CCDC158: variants seen among roughly 807,000 people sequenced by gnomAD.
CCDC158 encodes the protein coiled-coil domain containing 158.
Under a neutral mutation model 138.6 loss-of-function variants are expected in CCDC158, and 116 were observed. The observed-to-expected ratio is 0.84, with a 90% CI of 0.72 to 0.98. CCDC158 has a LOEUF of 0.98. CCDC158 is among the 50% of genes least tolerant of loss of function. The pLI, the probability that CCDC158 is intolerant of heterozygous loss-of-function variation, is 0.00. For missense variants in CCDC158, 1,265 were observed against 1,306.1 expected, an observed-to-expected ratio of 0.97 and a Z score of 0.48; for synonymous variants, 436 against 442.4, an observed-to-expected ratio of 0.99 and a Z score of 0.18.
chr4:76,330,325 T>C (rs986780146), intron 21 of CCDC158, among the ~76,000 whole-genome samples: 2 of 152,198 alleles, frequency 1.3e-5, no homozygotes, highest in African/African-American at 2.4e-5. Context: ...GGGAAAATAA[T>C]GTTTCCCTCA....
In CCDC158 at chr4:76,334,055, G is replaced by A; in HGVS notation, c.2777C>T (p.Thr926Ile). 6.2e-7 allele frequency: 1 copy of A among 1,613,758 alleles called. No homozygotes were observed. The highest frequency in any genetic ancestry group is 8.5e-7 in the Non-Finnish European group (1 of 1,179,738). ...NEEPAVSLSK[T>I]EEDGRTSLGA... ...CAGAGATGTTCTTCCATCTTCCTCT[G>A]TCTTGCTCAGAGACACAGCTGGCTC... is the stretch of plus-strand genomic sequence containing the variant. The change falls in exon 19 of 25, where the codon ACA becomes ATA. Residue 926 changes from threonine (T) to isoleucine (I), a missense_variant. Coordinates refer to ENST00000682701, the MANE Select transcript of CCDC158 (RefSeq NM_001394954.1).
At chr4:76,405,516 T>C (rs1267899109) in intron 2 of CCDC158, among the ~76,000 whole-genome samples, 1 of 152,116 alleles carries the variant, frequency 6.6e-6, no homozygotes, top group Non-Finnish European at 1.5e-5. Context: ...AAGACAAACA[T>C]TTAAAAAACA....
At chr4:76,380,928 G>T (rs145992317) in intron 8 of CCDC158, among the ~76,000 whole-genome samples, 1 of 152,254 alleles carries the variant, frequency 6.6e-6, no homozygotes, top group African/African-American at 2.4e-5. Context: ...AGCTCGGGCT[G>T]TTGCTTCAAA....
intron 2 of CCDC158, among the ~76,000 whole-genome samples, chr4:76,403,891 G>A (rs1728607210): frequency 6.6e-6 from 1 of 152,094 alleles, no homozygotes; most frequent in African/African-American, 2.4e-5. Flanking sequence ...ACAAGCCTAG[G>A]GGTACAGAAA....
chr4:76,396,655 A>T (rs752441363), intron 3 of CCDC158, among the ~76,000 whole-genome samples, 169 bp from the exon 4 acceptor site: 2 of 151,806 alleles, frequency 1.3e-5, no homozygotes, highest in Non-Finnish European at 2.9e-5. Flanking sequence ...GGATTACAGG[A>T]GCGTGCCACC....
intron 10 of CCDC158, among the ~76,000 whole-genome samples, 184 bp downstream of exon 10, chr4:76,371,233 A>T (rs1401624124): frequency 6.6e-6 from 1 of 152,244 alleles, no homozygotes; most frequent in Non-Finnish European, 1.5e-5. Context: ...TTAAGAAAAA[A>T]GTTAAGTATA....
chr4:76,339,432 G>A (rs961851632), intron 18 of CCDC158, among the ~76,000 whole-genome samples: 3 of 152,218 alleles, frequency 2.0e-5, no homozygotes, highest in African/African-American at 7.2e-5. Context: ...AGAGAATAGT[G>A]AGGCACAATT....
intron 8 of CCDC158, 29 bp from the exon 9 acceptor site, chr4:76,379,433 G>A: frequency 1.5e-6 from 2 of 1,372,408 alleles, no homozygotes; most frequent in South Asian, 1.3e-5. Context: ...GGGAATAAGT[G>A]CAAATAGCAA....
chr4:76,381,301 G>A (rs555647040), intron 8 of CCDC158, among the ~76,000 whole-genome samples: 11 of 152,350 alleles, frequency 7.2e-5, no homozygotes, highest in East Asian at 5.8e-4. Context: ...AAGCAGCTGC[G>A]GAGGCTGTAC....
intron 23 of CCDC158, among the ~76,000 whole-genome samples, chr4:76,325,037 G>A (rs1392306442): frequency 6.6e-6 from 1 of 152,066 alleles, no homozygotes; most frequent in African/African-American, 2.4e-5. Flanking sequence ...GCACACACTT[G>A]CCCACCACAG....
In CCDC158 at chr4:76,334,107, G is replaced by A; in HGVS notation, c.2725C>T (p.Gln909Ter). The A allele has an allele frequency of 6.2e-7, 1 of 1,613,384 alleles. No individual in the cohort carries two copies. Among genetic ancestry groups the A allele is most frequent in the Non-Finnish European group, 8.5e-7 (1 of 1,179,412 alleles). ...DPTRDLKQLL[Q>*]ELRSVINEEP... ...TCATTGATCACGCTTCTCAACTCTTGGAGAAGCTGTTTCAGGTCCCTTGTT... is the reference window on the plus strand; with the variant it reads ...TCATTGATCACGCTTCTCAACTCTTAGAGAAGCTGTTTCAGGTCCCTTGTT... Residue 909 changes from glutamine to a stop codon, truncating the protein, a stop_gained, in exon 19 of 25, where the codon CAA becomes TAA. Transcript: ENST00000682701. LOFTEE classifies it high-confidence loss of function.
Position 76,332,470 on chromosome 4 carries a change from G to A in CCDC158, c.2844C>T (p.Cys948=), listed in dbSNP as rs947347667. 2.5e-6 allele frequency: 4 copies of A among 1,609,668 alleles called. No individual in the cohort carries two copies. In the African/African-American group the frequency reaches 5.4e-5, roughly 22 times the overall value. Residue 948 remains cysteine, a synonymous_variant, in exon 20 of 25, where the codon TGC becomes TGT. Coordinates refer to ENST00000682701, the MANE Select transcript of CCDC158 (RefSeq NM_001394954.1). ...YVAVEDRVRD[C]ITESSLRSDM... ...CTGATCTCAGGCTGGATTCAGTAAT[G>A]CAATCTCTTACCCTATCCTCTCTGT...
In CCDC158 at chr4:76,376,323, G is replaced by A. The variant is rs565716554; in HGVS notation, c.1029+2967C>T. Among the ~76,000 whole-genome samples, 11 of 152,208 alleles carry A rather than the reference G, an allele frequency of 7.2e-5. No individual in the cohort carries two copies. The East Asian group carries it at 1.7e-3, about 24-fold the overall frequency. On this transcript the variant is annotated intron_variant, in intron 9 of 24. Coordinates refer to ENST00000682701, the MANE Select transcript of CCDC158 (RefSeq NM_001394954.1). ...AAGTAATCCTTCTGTCTCAGCCTTC[G>A]AAAGTGCTGGGATTATGGGTGTAAG...
intron 20 of CCDC158, among the ~76,000 whole-genome samples, 187 bp from the exon 21 acceptor site, chr4:76,331,590 T>C (rs1188423638): frequency 1.3e-5 from 2 of 152,212 alleles, no homozygotes; most frequent in East Asian, 1.9e-4. Flanking sequence ...TACTTTTAGA[T>C]AGATATGGAT....
intron 22 of CCDC158, among the ~76,000 whole-genome samples, chr4:76,328,471 A>G (rs1033851691): frequency 2.6e-5 from 4 of 152,212 alleles, no homozygotes; most frequent in Admixed American, 2.6e-4. Flanking sequence ...ACTTTTAGAG[A>G]CAGGGTTTCG....
At chr4:76,368,266 T>C (rs1047328768) in intron 11 of CCDC158, among the ~76,000 whole-genome samples, 2 of 151,922 alleles carry the variant, frequency 1.3e-5, no homozygotes, top group African/African-American at 2.4e-5. Context: ...GAATTTACAA[T>C]AACTACCCCT....
intron 1 of CCDC158, among the ~76,000 whole-genome samples, chr4:76,418,942 C>A (rs1024628149): frequency 1.3e-5 from 2 of 152,110 alleles, no homozygotes; most frequent in East Asian, 1.9e-4. Context: ...AGATGACTAG[C>A]GGTTGCTTTT....
intron 4 of CCDC158, among the ~76,000 whole-genome samples, chr4:76,394,225 A>T (rs752866978): frequency 2.6e-5 from 4 of 152,174 alleles, no homozygotes; most frequent in Non-Finnish European, 5.9e-5. Flanking sequence ...TTTGGAAGCA[A>T]CCTAAGTGTC....
intron 4 of CCDC158, among the ~76,000 whole-genome samples, chr4:76,390,496 A>C (rs1727215127): frequency 6.6e-6 from 1 of 152,064 alleles, no homozygotes; most frequent in African/African-American, 2.4e-5. Flanking sequence ...CTTAAAAATA[A>C]AGAAATCAAA....
Sources: gnomAD v4.1 joint callset for allele counts (sites outside exome capture counted in the v4.1 genomes callset) on GRCh38, gnomAD v4.1.1 for gene constraint, MANE v1.5 for transcripts, NCBI Gene and HGNC (gene_info 2026-07-23, HGNC 2026-07-21) for gene names.